SLC5A7: variants seen among roughly 807,000 people sequenced by gnomAD.
The protein encoded by SLC5A7 is solute carrier family 5 member 7.
A neutral mutation model predicts 55.4 loss-of-function variants in SLC5A7; 19 were observed. The observed-to-expected ratio is 0.34, with a 90% confidence interval of 0.24 to 0.50. The LOEUF (loss-of-function observed/expected upper bound fraction) is 0.50, where lower values mean the gene tolerates loss of function less well. SLC5A7 is among the 20% of genes least tolerant of loss of function. SLC5A7 has a pLI of 0.98. For synonymous variants in SLC5A7, 265 were observed against 263.7 expected (o/e 1.00, Z -0.05); for missense variants, 506 against 705.3 (o/e 0.72, Z 3.20).
Position 108,010,723 on chromosome 2 carries a change from A to G in SLC5A7, c.1605A>G (p.Glu535=), listed in dbSNP as rs764970569. Residue 535 remains glutamate (E), a synonymous_variant, in exon 9 of 9, where the codon GAA becomes GAG. Transcript: ENST00000264047. ...ATAAGACAATTCTTGTCAAAAATGA[A>G]AATATTAAATTAGATGAACTTGCAC... ...NMDKTILVKN[E]NIKLDELALV... is the part of the protein sequence containing the mutation. 1 of 1,613,874 alleles carries G rather than the reference A, an allele frequency of 6.2e-7. No homozygotes were observed. Among genetic ancestry groups the G allele is most frequent in the Non-Finnish European group, 8.5e-7 (1 of 1,179,906 alleles).
intron 2 of SLC5A7, among the ~76,000 whole-genome samples, chr2:107,990,360 A>T (rs1206992284): frequency 6.6e-6 from 1 of 152,200 alleles, no homozygotes; most frequent in Non-Finnish European, 1.5e-5. Flanking sequence ...ATGATCACTA[A>T]TGAGCTTTGT....
intron 2 of SLC5A7, among the ~76,000 whole-genome samples, chr2:107,990,225 A>G (rs1677400302): frequency 1.3e-5 from 2 of 152,340 alleles, no homozygotes; most frequent in East Asian, 1.9e-4. Flanking sequence ...ACTAAATTCA[A>G]TTATAAAGGG....
intron 4 of SLC5A7, among the ~76,000 whole-genome samples, chr2:107,995,702 C>A (rs1044243982): frequency 7.9e-5 from 12 of 152,110 alleles, no homozygotes; most frequent in Admixed American, 5.9e-4. Flanking sequence ...TATATAAGAT[C>A]TATTACCACC....
chr2:108,006,211 C>T lies in SLC5A7; in HGVS notation c.895+9C>T. ...CATTGGAGCATCAACAGGTAAATCT[C>T]TTGCAGCTTCACCACATGTGCCAGT... On this transcript the variant is annotated intron_variant, in intron 7 of 8. Coordinates refer to ENST00000264047, the MANE Select transcript of SLC5A7 (RefSeq NM_021815.5). 3 of 1,613,604 alleles carry T rather than the reference C, an allele frequency of 1.9e-6. No homozygotes were observed. Among genetic ancestry groups the T allele is most frequent in the Non-Finnish European group, 2.5e-6 (3 of 1,179,802 alleles).
intron 6 of SLC5A7, 146 bp downstream of exon 6, chr2:108,002,186 GC>G: frequency 1.0e-6 from 1 of 955,982 alleles, no homozygotes; most frequent in Non-Finnish European, 1.5e-6. Context: ...GGAGGGTGGA[GC>G]CAGGGCCGGA....
intron 3 of SLC5A7, 151 bp downstream of exon 3, chr2:107,992,370 G>A (rs1677483583): frequency 4.1e-6 from 2 of 490,266 alleles, no homozygotes; most frequent in Non-Finnish European, 7.4e-6. Context: ...CCAGAAACTG[G>A]TAAGTAGCAG....
chr2:108,001,900 A>G lies in SLC5A7; in HGVS notation c.601A>G (p.Ile201Val). The G allele has an allele frequency of 1.2e-6, 2 of 1,613,996 alleles. No homozygotes were observed. The highest frequency in any genetic ancestry group is 1.7e-6 in the Non-Finnish European group (2 of 1,179,948). ...QLFCIFVGLWISVPFALSHPA... is the reference protein window; with the variant it reads ...QLFCIFVGLWVSVPFALSHPA... ...CCAGTGTCACTTTCTGTTGCAGTGG[A>G]TCAGCGTCCCCTTTGCATTGTCACA... Residue 201 changes from isoleucine to valine, a missense_variant, in exon 6 of 9, where the codon ATC (isoleucine) becomes GTC (valine). Coordinates refer to ENST00000264047, the MANE Select transcript of SLC5A7 (RefSeq NM_021815.5).
chr2:108,008,358 T>A, intron 7 of SLC5A7, 107 bp from the exon 8 acceptor site: 1 of 773,634 alleles, frequency 1.3e-6, no homozygotes, highest in Non-Finnish European at 2.1e-6. Context: ...CTAATGTATA[T>A]GATTCTGAGT....
intron 8 of SLC5A7, among the ~76,000 whole-genome samples, chr2:108,009,610 C>T (rs1678239866): frequency 6.6e-6 from 1 of 152,114 alleles, no homozygotes; most frequent in Admixed American, 6.5e-5. Flanking sequence ...ATGGCTTCCA[C>T]CTTCATCCAT....
chr2:108,008,232 C>CT (rs1203266769), intron 7 of SLC5A7, among the ~76,000 whole-genome samples: 3 of 152,166 alleles, frequency 2.0e-5, no homozygotes, highest in African/African-American at 7.2e-5. Flanking sequence ...AAATATATAT[C>CT]TTACCACCAG....
rs1678385753 is a variant in SLC5A7 at position 108,012,794 on chromosome 2, A to C, written c.*1933A>C. 1.3e-5 allele frequency: 2 copies of C among 152,156 alleles called. No homozygotes were observed. Among genetic ancestry groups the C allele is most frequent in the African/African-American group, 4.8e-5 (2 of 41,450 alleles). The allele number at this position is 152,156 out of a possible 1,614,324, so 9.4% of individuals were successfully genotyped here. On this transcript the variant is annotated 3_prime_UTR_variant, in exon 9 of 9. Coordinates refer to ENST00000264047, the MANE Select transcript of SLC5A7 (RefSeq NM_021815.5). ...TCAGGTATTGATTGAAAAAAGAGAA[A>C]GGGGCAAGAAATTCATTAAAGAAAA...
At chr2:108,001,815 AGT>A in intron 5 of SLC5A7, 80 bp from the exon 6 acceptor site, 4 of 1,452,888 alleles carry the variant, frequency 2.8e-6, no homozygotes, top group Non-Finnish European at 3.8e-6. Flanking sequence ...TGAGCTGTGC[AGT>A]GTGTGAGGTG....
At chr2:107,992,058 T>TA (rs1558859808) in intron 2 of SLC5A7, 48 bp from the exon 3 acceptor site, 2 of 1,215,438 alleles carry the variant, frequency 1.6e-6, no homozygotes. Context: ...CAGATGTAGG[T>TA]ATAACAGGTA....
chr2:107,994,954 T>C (rs1434475697), intron 4 of SLC5A7, among the ~76,000 whole-genome samples: 1 of 152,186 alleles, frequency 6.6e-6, no homozygotes, highest in African/African-American at 2.4e-5. Context: ...ATATAAAATA[T>C]AGTAACGAAA....
Position 108,011,044 on chromosome 2 carries a change from AC to A in SLC5A7, c.*184del. 1.9e-6 allele frequency: 1 copy of A among 527,296 alleles called. No individual in the cohort carries two copies. Among genetic ancestry groups the A allele is most frequent in the Non-Finnish European group, 3.0e-6 (1 of 329,740 alleles). 32.7% of individuals were successfully genotyped at this position (527,296 alleles called of 1,614,324 possible). The stretch of plus-strand genomic sequence containing the variant: ...CTAGAAGGAAGCACCTATGAAAGCA[AC>A]AACTTTGTTTCTCATCCATAGTAGT... On this transcript the variant is annotated 3_prime_UTR_variant, in exon 9 of 9. Transcript: ENST00000264047.
rs1424420068 is a variant in SLC5A7, at chr2:108,013,785, A to T, written c.*2924A>T. 6.6e-6 allele frequency: 1 copy of T among 152,170 alleles called. No individual in the cohort carries two copies. The highest frequency in any genetic ancestry group is 1.5e-5 in the Non-Finnish European group (1 of 68,020). 9.4% of individuals were successfully genotyped at this position (152,170 alleles called of 1,614,324 possible). A position where few individuals can be genotyped will look rare whatever the true frequency, so the allele number is the denominator to read the frequency against. On this transcript the variant is annotated 3_prime_UTR_variant, in exon 9 of 9. Coordinates refer to ENST00000264047, the MANE Select transcript of SLC5A7 (RefSeq NM_021815.5). Reference sequence around the variant, plus strand: ...TTAAATGCTTTGTTTTCCCACACATATTCAAATCAGCAAGCTTGTAGCTGG... The same window carrying T: ...TTAAATGCTTTGTTTTCCCACACATTTTCAAATCAGCAAGCTTGTAGCTGG...
chr2:107,992,046 G>A (rs1677472008), intron 2 of SLC5A7, 60 bp from the exon 3 acceptor site: 2 of 1,031,250 alleles, frequency 1.9e-6, no homozygotes, highest in South Asian at 3.1e-5. Flanking sequence ...TGGTTTGGCA[G>A]GCAGATGTAG....
chr2:108,001,669 T>C (rs1490975897), intron 5 of SLC5A7, among the ~76,000 whole-genome samples: 2 of 117,474 alleles, frequency 1.7e-5, no homozygotes, highest in East Asian at 4.5e-4. Flanking sequence ...CGAGACTCCG[T>C]CTCAAAAAAA....
At chr2:107,994,400 A>G (rs541850971) in intron 4 of SLC5A7, among the ~76,000 whole-genome samples, 50 of 152,162 alleles carry the variant, frequency 3.3e-4, no homozygotes, top group Non-Finnish European at 6.2e-4. Context: ...TGGCCAACAT[A>G]GTGAAACCCC....
Sources: allele counts gnomAD v4.1 joint callset (sites outside exome capture counted in the v4.1 genomes callset), GRCh38; gene constraint gnomAD v4.1.1; transcripts MANE v1.5; gene names NCBI Gene and HGNC (gene_info 2026-07-23, HGNC 2026-07-21).